The following SIPA1L1 variants were observed in gnomAD, a reference collection of about 807,000 sequenced individuals.
The protein encoded by SIPA1L1 is signal-induced proliferation-associated 1-like protein 1.
Under a neutral mutation model 162.7 loss-of-function variants are expected in SIPA1L1, and 26 were observed. That is an observed-to-expected ratio of 0.16 (90% CI 0.12 to 0.22). The LOEUF (loss-of-function observed/expected upper bound fraction) is 0.22, where lower values mean the gene tolerates loss of function less well. SIPA1L1 is among the 10% of genes least tolerant of loss of function. SIPA1L1 has a pLI of 1.00. For synonymous variants in SIPA1L1, 829 were observed against 837.4 expected (o/e 0.99, Z 0.17); for missense variants, 1,874 against 2,241.0 (o/e 0.84, Z 3.31).
At chr14:71,468,008 GTGT>G (rs1567063479) in intron 2 of SIPA1L1, among the ~76,000 whole-genome samples, 23 of 51,498 alleles carry the variant, frequency 4.5e-4, no homozygotes, top group East Asian at 8.7e-3. Context: ...TTAGAGGGGT[GTGT>G]GTGTGTGTGT....
intron 5 of SIPA1L1, among the ~76,000 whole-genome samples, chr14:71,593,812 A>G (rs938983659): frequency 6.6e-6 from 1 of 152,138 alleles, no homozygotes; most frequent in Admixed American, 6.5e-5. Flanking sequence ...TCCACTGATC[A>G]ACAGTGTTGA....
intron 5 of SIPA1L1, among the ~76,000 whole-genome samples, chr14:71,590,036 A>ATATATGTAT: frequency 1.3e-5 from 1 of 74,368 alleles, no homozygotes; most frequent in Non-Finnish European, 2.7e-5. Context: ...AAAAAAAAAA[A>ATATATGTAT]AAAAAAAAAT....
At chr14:71,566,907 A>G (rs1317740094) in intron 4 of SIPA1L1, among the ~76,000 whole-genome samples, 1 of 152,206 alleles carries the variant, frequency 6.6e-6, no homozygotes, top group Non-Finnish European at 1.5e-5. Context: ...GAATAAAGTC[A>G]GACGTATATG....
chr14:71,507,292 T>C (rs1237965705), intron 2 of SIPA1L1, among the ~76,000 whole-genome samples: 3 of 152,200 alleles, frequency 2.0e-5, no homozygotes, highest in African/African-American at 4.8e-5. Flanking sequence ...AATTTTTTTT[T>C]CCCGCCTGTT....
chr14:71,656,384 CAT>C (rs1325441514), intron 8 of SIPA1L1, among the ~76,000 whole-genome samples: 4 of 151,814 alleles, frequency 2.6e-5, no homozygotes, highest in African/African-American at 9.7e-5. Context: ...ACTTGAAACA[CAT>C]GTATAAGTAC....
chr14:71,567,155 T>G (rs2030815227), intron 4 of SIPA1L1, among the ~76,000 whole-genome samples: 1 of 152,194 alleles, frequency 6.6e-6, no homozygotes, highest in Non-Finnish European at 1.5e-5. Context: ...CCCCACACAT[T>G]ACTATGAGTT....
At chr14:71,502,255 A>AATATAT (rs60241101) in intron 2 of SIPA1L1, among the ~76,000 whole-genome samples, 986 of 97,476 alleles carry the variant, frequency 0.01, 15 homozygotes, top group Middle Eastern at 0.039. Context: ...AAAAAAAAAA[A>AATATAT]ATATATATAT....
chr14:71,570,218 G>A (rs2031694190), intron 4 of SIPA1L1, among the ~76,000 whole-genome samples: 1 of 151,976 alleles, frequency 6.6e-6, no homozygotes, highest in Admixed American at 6.6e-5. Context: ...CAGAGCTTCA[G>A]TCTACTATTT....
intron 4 of SIPA1L1, among the ~76,000 whole-genome samples, chr14:71,560,897 T>A (rs1021346856): frequency 2.6e-5 from 4 of 152,194 alleles, no homozygotes; most frequent in African/African-American, 9.7e-5. Flanking sequence ...TCTGTAGTCA[T>A]ACATATCCTG....
intron 2 of SIPA1L1, among the ~76,000 whole-genome samples, chr14:71,472,848 T>TAAA (rs35990139): frequency 0.012 from 1,439 of 120,408 alleles, 15 homozygotes; most frequent in East Asian, 0.022. Flanking sequence ...TATGAAAACT[T>TAAA]AAAAAAAAAA....
At chr14:71,364,806 T>C (rs1402099930) in intron 2 of SIPA1L1, among the ~76,000 whole-genome samples, 3 of 151,826 alleles carry the variant, frequency 2.0e-5, no homozygotes, top group Non-Finnish European at 4.4e-5. Context: ...AGTGCAGTAG[T>C]GCGATCTTGG....
chr14:71,336,268 C>A (rs2035080334), intron 2 of SIPA1L1, among the ~76,000 whole-genome samples: 1 of 152,148 alleles, frequency 6.6e-6, no homozygotes, highest in Non-Finnish European at 1.5e-5. Context: ...TCATACAGTT[C>A]TGCAGCTATC....
chr14:71,663,935 A>G (rs1293032183), intron 10 of SIPA1L1, among the ~76,000 whole-genome samples: 1 of 152,184 alleles, frequency 6.6e-6, no homozygotes, highest in Non-Finnish European at 1.5e-5. Context: ...AGAAATCACA[A>G]GAGATTATAG....
intron 2 of SIPA1L1, among the ~76,000 whole-genome samples, chr14:71,381,993 T>A (rs574595175): frequency 6.6e-6 from 1 of 152,350 alleles, no homozygotes; most frequent in South Asian, 2.1e-4. Flanking sequence ...AGGTTCTTTT[T>A]AAAAGTCATC....
At chr14:71,397,493 A>AT (rs565174892) in intron 2 of SIPA1L1, among the ~76,000 whole-genome samples, 235 of 71,772 alleles carry the variant, frequency 3.3e-3, no homozygotes, top group Non-Finnish European at 4.7e-3. Flanking sequence ...TACTATTGAA[A>AT]TTTTTTGGGG....
At chr14:71,654,067 T>TCATCA (rs1271229094) in intron 8 of SIPA1L1, among the ~76,000 whole-genome samples, 1 of 152,196 alleles carries the variant, frequency 6.6e-6, no homozygotes, top group East Asian at 1.9e-4. Context: ...TCATGCATTA[T>TCATCA]CATCATATTC....
intron 4 of SIPA1L1, among the ~76,000 whole-genome samples, chr14:71,564,675 G>A (rs1245773051): frequency 8.6e-5 from 13 of 151,764 alleles, no homozygotes; most frequent in Admixed American, 5.9e-4. Flanking sequence ...ATTTTTAGTA[G>A]AGACGGGATT....
chr14:71,446,894 G>GGTTTTTTTTTTTTTTTTTTTTTTTT (rs2045394010), intron 2 of SIPA1L1, among the ~76,000 whole-genome samples: 2 of 87,406 alleles, frequency 2.3e-5, no homozygotes, highest in African/African-American at 8.7e-5. Flanking sequence ...GATGGGCTCT[G>GGTTTTTTTTTTTTTTTTTTTTTTTT]TTTTTTTTTT....
At chr14:71,705,167 C>T (rs533523999) in intron 15 of SIPA1L1, 55 bp from the exon 16 acceptor site, 3 of 1,227,256 alleles carry the variant, frequency 2.4e-6, no homozygotes, top group East Asian at 4.7e-5. Flanking sequence ...CATTTGTCAC[C>T]ATGTGCTTGT....
Sources: gnomAD v4.1 joint callset for allele counts (sites outside exome capture counted in the v4.1 genomes callset) on GRCh38, gnomAD v4.1.1 for gene constraint, MANE v1.5 for transcripts, NCBI Gene and HGNC (gene_info 2026-07-23, HGNC 2026-07-21) for gene names.